HTR7: variants seen among roughly 807,000 people sequenced by gnomAD.
The protein encoded by HTR7 is 5-HT-7.
In HTR7, 16 loss-of-function variants were observed where a neutral mutation model predicts 34.0. That is an observed-to-expected ratio of 0.47 (90% CI 0.32 to 0.71). HTR7 has a LOEUF of 0.71. HTR7 is among the 30% of genes least tolerant of loss of function. The probability of loss-of-function intolerance (pLI) is 0.04; values close to 1 mark genes in which losing one functional copy is unlikely to be tolerated. For missense variants in HTR7, 504 were observed against 625.5 expected (o/e 0.81, Z 2.07); for synonymous variants, 265 against 260.2 (o/e 1.02, Z -0.18).
intron 2 of HTR7, among the ~76,000 whole-genome samples, chr10:90,745,294 A>G (rs1423602332): frequency 6.6e-6 from 1 of 152,152 alleles, no homozygotes; most frequent in African/African-American, 2.4e-5. Flanking sequence ...TGCTTCATAG[A>G]TGGTAACTTC....
intron 1 of HTR7, among the ~76,000 whole-genome samples, chr10:90,764,850 A>G (rs1844996408): frequency 6.6e-6 from 1 of 152,078 alleles, no homozygotes. Flanking sequence ...TGACATAATT[A>G]TATTATTTTT....
intron 1 of HTR7, among the ~76,000 whole-genome samples, chr10:90,814,997 T>C (rs1248474826): frequency 6.6e-6 from 1 of 152,128 alleles, no homozygotes; most frequent in East Asian, 1.9e-4. Flanking sequence ...CAGGTCCTTT[T>C]CAAAAGAAAG....
rs189956558 is a variant in HTR7, at chr10:90,756,531, T to C, written c.540-6937A>G. 3.3e-3 allele frequency among the ~76,000 whole-genome samples: 508 copies of C among 152,272 alleles called. 2 individuals carry two copies. The highest frequency in any genetic ancestry group is 0.012 in the African/African-American group (481 of 41,548). On this transcript the variant is annotated intron_variant, in intron 1 of 3. Coordinates refer to ENST00000336152, the MANE Select transcript of HTR7 (RefSeq NM_019859.4). ...TTACAGTTAGGAACAATAAACAACT[T>C]AAATTCCTTATTCTGCCCTCAGCAT...
intron 1 of HTR7, among the ~76,000 whole-genome samples, chr10:90,805,279 C>G (rs1329059477): frequency 6.6e-6 from 1 of 152,162 alleles, no homozygotes; most frequent in African/African-American, 2.4e-5. Flanking sequence ...TTTATTGTCC[C>G]TGTTCCTTAA....
rs555973746 is a variant in HTR7, at chr10:90,796,641, G to T, written c.540-47047C>A. 2.4e-4 allele frequency among the ~76,000 whole-genome samples: 37 copies of T among 152,262 alleles called. 1 individual carries two copies. The highest frequency in any genetic ancestry group is 8.2e-4 in the African/African-American group (34 of 41,562). ...GTGGAAGGATCACTTGAGCCTAGGA[G>T]TTTGAGGTTACAGTGAGCTATGATT... is the stretch of plus-strand genomic sequence containing the variant. On this transcript the variant is annotated intron_variant, in intron 1 of 3. Transcript: ENST00000336152.
intron 1 of HTR7, among the ~76,000 whole-genome samples, chr10:90,800,909 T>C (rs1845614446): frequency 6.6e-6 from 1 of 152,194 alleles, no homozygotes; most frequent in African/African-American, 2.4e-5. Context: ...TAGCAGTCAT[T>C]TCATTAACTC....
At chr10:90,855,417 A>G (rs1344427973) in intron 1 of HTR7, among the ~76,000 whole-genome samples, 1 of 152,246 alleles carries the variant, frequency 6.6e-6, no homozygotes, top group Non-Finnish European at 1.5e-5. Context: ...GAGACAAATT[A>G]GCACAAGGTA....
At chr10:90,851,932 C>T (rs530501710) in intron 1 of HTR7, among the ~76,000 whole-genome samples, 3 of 152,296 alleles carry the variant, frequency 2.0e-5, no homozygotes, top group Admixed American at 2.0e-4. Context: ...TCCCCTTCAC[C>T]TTCCACCATG....
chr10:90,826,864 G>C (rs986664478), intron 1 of HTR7, among the ~76,000 whole-genome samples: 2 of 152,018 alleles, frequency 1.3e-5, no homozygotes, highest in Non-Finnish European at 2.9e-5. Context: ...ATGAACCCAG[G>C]AGGCGGAGCT....
intron 2 of HTR7, among the ~76,000 whole-genome samples, chr10:90,744,199 CA>C (rs1053809625): frequency 2.0e-5 from 3 of 150,692 alleles, no homozygotes; most frequent in Non-Finnish European, 4.4e-5. Context: ...TAGAGAGAGG[CA>C]GGGGGAGCAA....
At chr10:90,856,987 G>T in intron 1 of HTR7, 146 bp downstream of exon 1, 1 of 712,292 alleles carries the variant, frequency 1.4e-6, no homozygotes, top group Non-Finnish European at 2.3e-6. Flanking sequence ...TTGGTGTAGG[G>T]TGGATTGGGG....
chr10:90,832,372 G>A (rs1487559009), intron 1 of HTR7, among the ~76,000 whole-genome samples: 1 of 152,206 alleles, frequency 6.6e-6, no homozygotes, highest in Non-Finnish European at 1.5e-5. Flanking sequence ...GCGCAGGTGG[G>A]CCAGCACTGC....
At chr10:90,838,965 C>G (rs1490591783) in intron 1 of HTR7, among the ~76,000 whole-genome samples, 1 of 152,082 alleles carries the variant, frequency 6.6e-6, no homozygotes, top group South Asian at 2.1e-4. Flanking sequence ...AATATAAGAT[C>G]CTAGAGAGCA....
At chr10:90,854,666 G>A (rs1181697969) in intron 1 of HTR7, among the ~76,000 whole-genome samples, 2 of 152,190 alleles carry the variant, frequency 1.3e-5, no homozygotes, top group Admixed American at 6.5e-5. Context: ...TCTGAAGCCT[G>A]TGAAAAACAG....
chr10:90,742,991 C>T (rs1373225173), intron 3 of HTR7, among the ~76,000 whole-genome samples: 1 of 152,138 alleles, frequency 6.6e-6, no homozygotes, highest in East Asian at 1.9e-4. Flanking sequence ...TTCCTAGATG[C>T]TCAGAAGTGG....
intron 1 of HTR7, among the ~76,000 whole-genome samples, chr10:90,804,153 C>T (rs1346408059): frequency 6.6e-6 from 1 of 152,134 alleles, no homozygotes; most frequent in African/African-American, 2.4e-5. Flanking sequence ...GGAGCCCAGA[C>T]ATAGATGGCT....
At chr10:90,784,883 C>T (rs542203162) in intron 1 of HTR7, among the ~76,000 whole-genome samples, 4 of 152,340 alleles carry the variant, frequency 2.6e-5, no homozygotes, top group African/African-American at 4.8e-5. Context: ...CTCCTATTCA[C>T]GTTGTCAACC....
intron 1 of HTR7, among the ~76,000 whole-genome samples, chr10:90,767,523 G>A (rs1845042893): frequency 1.3e-5 from 2 of 152,082 alleles, no homozygotes; most frequent in South Asian, 4.1e-4. Context: ...ACTAAATATG[G>A]CCATATATTC....
chr10:90,760,905 G>A (rs548651503), intron 1 of HTR7, among the ~76,000 whole-genome samples: 77 of 151,902 alleles, frequency 5.1e-4, no homozygotes, highest in African/African-American at 1.9e-3. Context: ...AAATAAACAC[G>A]TACCCTATAA....
Sources: allele counts gnomAD v4.1 joint callset (sites outside exome capture counted in the v4.1 genomes callset), GRCh38; gene constraint gnomAD v4.1.1; transcripts MANE v1.5; gene names NCBI Gene and HGNC (gene_info 2026-07-23, HGNC 2026-07-21).